The following KIF15 variants were observed in gnomAD, a reference collection of about 807,000 sequenced individuals.
KIF15 encodes kinesin family member 15, also known as kinesin-like protein KIF15.
In KIF15, 140 loss-of-function variants were observed where a neutral mutation model predicts 190.6. The observed-to-expected ratio is 0.73, with a 90% CI of 0.64 to 0.84. The LOEUF (loss-of-function observed/expected upper bound fraction) is 0.84. KIF15 is among the 40% of genes least tolerant of loss of function. KIF15 has a pLI of 0.00. For missense variants in KIF15, 1,372 were observed against 1,584.4 expected (o/e 0.87, Z 2.28); for synonymous variants, 528 against 551.3 (o/e 0.96, Z 0.59).
intron 27 of KIF15, among the ~76,000 whole-genome samples, chr3:44,839,377 A>C (rs1307677428): frequency 6.6e-6 from 1 of 152,204 alleles, no homozygotes; most frequent in Admixed American, 6.5e-5. Context: ...CATCTCAAAA[A>C]AAAAAGAAAA....
chr3:44,831,170 C>A, intron 26 of KIF15, 152 bp downstream of exon 26: 1 of 837,460 alleles, frequency 1.2e-6, no homozygotes, highest in Non-Finnish European at 1.8e-6. Flanking sequence ...ACTACACAGG[C>A]TCATTCTACC....
At chr3:44,825,695 G>A (rs1207941275) in intron 20 of KIF15, among the ~76,000 whole-genome samples, 2 of 152,230 alleles carry the variant, frequency 1.3e-5, no homozygotes, top group Admixed American at 6.5e-5. Context: ...GCTTACGTGA[G>A]CATTAGGTCT....
intron 20 of KIF15, among the ~76,000 whole-genome samples, chr3:44,822,903 C>T (rs965885164): frequency 6.6e-5 from 10 of 152,082 alleles, no homozygotes; most frequent in East Asian, 1.9e-4. Context: ...GTTAGCCATT[C>T]GTCTAATCTT....
chr3:44,789,642 TTATATATATATATATATATATATA>T (rs56009369), intron 7 of KIF15, among the ~76,000 whole-genome samples: 28,407 of 113,704 alleles, frequency 0.25, 4,011 homozygotes, highest in Non-Finnish European at 0.29. Flanking sequence ...TTGTCTAATT[TTATATATATATATATATATATATA>T]TATATATATA....
intron 30 of KIF15, 38 bp from the exon 31 acceptor site, chr3:44,847,947 T>G (rs1192997733): frequency 6.9e-7 from 1 of 1,444,516 alleles, no homozygotes; most frequent in Admixed American, 2.0e-5. Flanking sequence ...TTAGCAGTGT[T>G]TTCCTATGCC....
rs767968851 is a variant in KIF15 at position 44,851,784 on chromosome 3, C to T, written c.3807-3C>T. 1.2e-6 allele frequency: 2 copies of T among 1,605,096 alleles called. No homozygotes were observed. The highest frequency in any genetic ancestry group is 1.7e-6 in the Non-Finnish European group (2 of 1,175,890). The stretch of plus-strand genomic sequence containing the variant: ...ACTATAAAGTGATAACCTATTCCTA[C>T]AGCCTAGAAGAAGTCCAAAGTGCCC... On this transcript the variant is annotated splice_region_variant and splice_polypyrimidine_tract_variant and intron_variant, in intron 32 of 34. Transcript: ENST00000326047.
intron 9 of KIF15, 34 bp from the exon 10 acceptor site, chr3:44,797,800 C>T (rs199603752): frequency 1.2e-6 from 2 of 1,607,892 alleles, no homozygotes; most frequent in Non-Finnish European, 1.7e-6. Context: ...TGTGATTTCT[C>T]ACCGAAAATA....
intron 6 of KIF15, chr3:44,864,132 C>T: frequency 6.2e-7 from 1 of 1,603,636 alleles, no homozygotes; most frequent in South Asian, 1.1e-5. Context: ...CCTGGGTGTG[C>T]TTTGAGGGGG....
intron 20 of KIF15, among the ~76,000 whole-genome samples, chr3:44,825,290 T>G (rs1292514712): frequency 6.6e-6 from 1 of 152,240 alleles, no homozygotes; most frequent in Non-Finnish European, 1.5e-5. Context: ...TCCCCTTCCC[T>G]ACCATCTATT....
At chr3:44,788,911 A>G (rs1479233823) in intron 7 of KIF15, among the ~76,000 whole-genome samples, 1 of 152,182 alleles carries the variant, frequency 6.6e-6, no homozygotes, top group Non-Finnish European at 1.5e-5. Context: ...CCATGCAGCC[A>G]TGTTATTTCT....
chr3:44,838,201 T>G, intron 26 of KIF15, 74 bp from the exon 27 acceptor site: 2 of 1,463,440 alleles, frequency 1.4e-6, no homozygotes, highest in Non-Finnish European at 1.8e-6. Flanking sequence ...TGTTAAAAGT[T>G]GTACATAGTA....
At chr3:44,802,423 G>A (rs892445931) in intron 13 of KIF15, among the ~76,000 whole-genome samples, 4 of 152,122 alleles carry the variant, frequency 2.6e-5, no homozygotes, top group African/African-American at 9.7e-5. Context: ...GTGGATATTT[G>A]TACTTTTGTT....
intron 7 of KIF15, among the ~76,000 whole-genome samples, chr3:44,789,644 A>ATT: frequency 4.3e-4 from 1 of 2,338 alleles, no homozygotes; most frequent in Non-Finnish European, 7.0e-4. Flanking sequence ...GTCTAATTTT[A>ATT]TATATATATA....
intron 27 of KIF15, among the ~76,000 whole-genome samples, chr3:44,839,794 G>C (rs1235282573): frequency 6.6e-6 from 1 of 152,038 alleles, no homozygotes; most frequent in African/African-American, 2.4e-5. Context: ...TTCTGTGCTG[G>C]CTTATTTTAC....
chr3:44,834,874 A>G (rs1698233532), intron 26 of KIF15, among the ~76,000 whole-genome samples: 1 of 151,908 alleles, frequency 6.6e-6, no homozygotes, highest in African/African-American at 2.4e-5. Context: ...CAGAGGTTGC[A>G]GTGAGCCAAG....
rs568433157 is a variant in KIF15 at position 44,865,156 on chromosome 3, G to A, written c.*60-8173G>A. 55 of 1,614,184 alleles carry A rather than the reference G, an allele frequency of 3.4e-5. No homozygotes were observed. The East Asian group carries it at 1.2e-3, about 35-fold the overall frequency. On this transcript the variant is annotated intron_variant and NMD_transcript_variant, in intron 6 of 6. Transcript: ENST00000422209. ...ACAGGAAGCTCCCACCCACCTGGAA[G>A]CCCCTTCCACACAAGCAGCAGTAGC...
chr3:44,817,675 G>C (rs1298718402), intron 20 of KIF15, among the ~76,000 whole-genome samples: 1 of 152,162 alleles, frequency 6.6e-6, no homozygotes, highest in East Asian at 1.9e-4. Context: ...CAGGTAGCGT[G>C]ATGCCTCCAA....
At chr3:44,817,240 T>C (rs1708070606) in intron 20 of KIF15, among the ~76,000 whole-genome samples, 2 of 152,242 alleles carry the variant, frequency 1.3e-5, no homozygotes, top group Non-Finnish European at 2.9e-5. Context: ...GGCTCTTTAG[T>C]TTAATTAGAT....
chr3:44,784,321 C>T (rs1178004142), intron 5 of KIF15, among the ~76,000 whole-genome samples: 3 of 152,024 alleles, frequency 2.0e-5, no homozygotes, highest in African/African-American at 4.8e-5. Context: ...TACAGGCGCC[C>T]GCTACCACGC....
Sources: allele counts gnomAD v4.1 joint callset (sites outside exome capture counted in the v4.1 genomes callset), GRCh38; gene constraint gnomAD v4.1.1; transcripts MANE v1.5; gene names NCBI Gene and HGNC (gene_info 2026-07-23, HGNC 2026-07-21).